Variants in CDH13 observed in about 807,000 individuals in gnomAD.
CDH13 encodes cadherin-13.
In CDH13, 24 loss-of-function variants were observed where a neutral mutation model predicts 63.8. The observed-to-expected ratio is 0.38, with a 90% confidence interval of 0.27 to 0.53. The LOEUF is 0.53. CDH13 is among the 20% of genes least tolerant of loss of function. The pLI, the probability that CDH13 is intolerant of heterozygous loss-of-function variation, is 0.85. For synonymous variants in CDH13, 503 were observed against 355.3 expected, an observed-to-expected ratio of 1.42 and a Z score of -4.67; for missense variants, 1,049 against 903.1, an observed-to-expected ratio of 1.16 and a Z score of -2.07.
At chr16:83,351,684 A>T (rs2090954688) in intron 6 of CDH13, among the ~76,000 whole-genome samples, 1 of 152,174 alleles carries the variant, frequency 6.6e-6, no homozygotes, top group South Asian at 2.1e-4. Context: ...TGCAGAAGAG[A>T]GCTCATCTCT....
At chr16:82,656,052 G>C (rs372117106) in intron 1 of CDH13, among the ~76,000 whole-genome samples, 1 of 152,170 alleles carries the variant, frequency 6.6e-6, no homozygotes, top group Non-Finnish European at 1.5e-5. Flanking sequence ...TGCTGGTCTA[G>C]CAAAAGGAAC....
intron 7 of CDH13, among the ~76,000 whole-genome samples, chr16:83,494,311 T>C (rs2074086286): frequency 6.6e-6 from 1 of 152,206 alleles, no homozygotes; most frequent in Admixed American, 6.5e-5. Context: ...GAGCTGTTTA[T>C]TTTTCTTTAT....
At chr16:83,193,076 G>T (rs190098367) in intron 4 of CDH13, among the ~76,000 whole-genome samples, 1 of 151,954 alleles carries the variant, frequency 6.6e-6, no homozygotes, top group African/African-American at 2.4e-5. Context: ...GACTCACTTG[G>T]AGAGTACAAG....
chr16:83,045,262 C>T (rs1472716715), intron 3 of CDH13, among the ~76,000 whole-genome samples: 2 of 152,130 alleles, frequency 1.3e-5, no homozygotes, highest in African/African-American at 4.8e-5. Flanking sequence ...TAAAACTTTC[C>T]TCGTGAACAG....
chr16:82,872,677 G>T (rs561171879), intron 2 of CDH13, among the ~76,000 whole-genome samples: 13 of 152,268 alleles, frequency 8.5e-5, no homozygotes, highest in African/African-American at 2.9e-4. Flanking sequence ...GAGAGCAAAA[G>T]GGCAAGAGGT....
In CDH13 at chr16:83,312,806, A is replaced by G. The variant is rs149045184; in HGVS notation, c.637-32056A>G. On this transcript the variant is annotated intron_variant, in intron 5 of 13. Coordinates refer to ENST00000567109, the MANE Select transcript of CDH13 (RefSeq NM_001257.5). Reference sequence around the variant, plus strand: ...AAACCTAAATTGCAAATCTCCATGCAAAAGTCAGCAAAAATAAAGGCAGCA... The same window carrying G: ...AAACCTAAATTGCAAATCTCCATGCGAAAGTCAGCAAAAATAAAGGCAGCA... Among the ~76,000 whole-genome samples the G allele has an allele frequency of 1.5e-3, 230 of 152,348 alleles. 1 individual carries two copies. Among genetic ancestry groups the G allele is most frequent in the African/African-American group, 4.9e-3 (203 of 41,578 alleles).
intron 1 of CDH13, among the ~76,000 whole-genome samples, chr16:82,798,151 C>G (rs1169106589): frequency 1.3e-5 from 2 of 152,198 alleles, no homozygotes; most frequent in African/African-American, 4.8e-5. Flanking sequence ...TATTAGCTGT[C>G]TACCGGAAAC....
chr16:83,634,887 C>G (rs1437797298), intron 8 of CDH13, among the ~76,000 whole-genome samples: 1 of 152,212 alleles, frequency 6.6e-6, no homozygotes, highest in East Asian at 1.9e-4. Context: ...GCAGTTAGAG[C>G]CACCCTGAAT....
intron 1 of CDH13, among the ~76,000 whole-genome samples, chr16:82,679,986 G>GT (rs1914367889): frequency 6.6e-6 from 1 of 152,138 alleles, no homozygotes; most frequent in Non-Finnish European, 1.5e-5. Context: ...GGACAAGGAA[G>GT]ACCACCACCA....
chr16:83,772,139 A>G (rs1054197026), intron 11 of CDH13, among the ~76,000 whole-genome samples: 6 of 152,208 alleles, frequency 3.9e-5, no homozygotes, highest in African/African-American at 1.4e-4. Context: ...CATGTATACA[A>G]ATAGACTCAA....
At position 82,669,901 on chromosome 16, in the gene CDH13, A is replaced by G. The variant is rs150033527; in HGVS notation, c.45+42764A>G. 1.2e-4 allele frequency among the ~76,000 whole-genome samples: 18 copies of G among 152,306 alleles called. No homozygotes were observed. In the East Asian group the frequency reaches 3.1e-3, roughly 26 times the overall value. On this transcript the variant is annotated intron_variant, in intron 1 of 13. Coordinates refer to ENST00000567109, the MANE Select transcript of CDH13 (RefSeq NM_001257.5). The stretch of plus-strand genomic sequence containing the variant: ...TGTGCTAAATATTTCTCCTGGCCCC[A>G]TTGGCAGAGATGTAGTCTGTTTTCC...
At chr16:83,216,505 T>C (rs2039535234) in intron 4 of CDH13, among the ~76,000 whole-genome samples, 2 of 136,400 alleles carry the variant, frequency 1.5e-5, no homozygotes, top group Non-Finnish European at 3.1e-5. Flanking sequence ...ATATATTTAA[T>C]ACATAGGGAT....
At chr16:82,627,529 C>T (rs1449488834) in intron 1 of CDH13, among the ~76,000 whole-genome samples, 1 of 152,180 alleles carries the variant, frequency 6.6e-6, no homozygotes, top group Non-Finnish European at 1.5e-5. Flanking sequence ...GCGACTCCAA[C>T]GAGCCGCGGT....
At chr16:83,407,165 C>G (rs2092060029) in intron 6 of CDH13, among the ~76,000 whole-genome samples, 1 of 152,208 alleles carries the variant, frequency 6.6e-6, no homozygotes, top group Non-Finnish European at 1.5e-5. Context: ...GCAAACAAAA[C>G]TCCCATTTTC....
chr16:82,861,669 T>G (rs1276656095), intron 2 of CDH13, among the ~76,000 whole-genome samples: 2 of 152,254 alleles, frequency 1.3e-5, no homozygotes, highest in Admixed American at 6.5e-5. Flanking sequence ...TTATTCACTG[T>G]TATCTCTGAT....
At chr16:82,869,474 G>GA (rs1214101948) in intron 2 of CDH13, among the ~76,000 whole-genome samples, 4 of 151,166 alleles carry the variant, frequency 2.6e-5, no homozygotes, top group South Asian at 2.1e-4. Flanking sequence ...TACAGAAAAA[G>GA]AAAAAAAATT....
At chr16:82,912,729 G>T (rs752326416) in intron 2 of CDH13, among the ~76,000 whole-genome samples, 1 of 152,176 alleles carries the variant, frequency 6.6e-6, no homozygotes, top group Non-Finnish European at 1.5e-5. Context: ...GGATCACGAG[G>T]TCAGGAGATC....
intron 7 of CDH13, 95 bp from the exon 8 acceptor site, chr16:83,602,359 G>C (rs1907928855): frequency 3.9e-5 from 47 of 1,199,702 alleles, no homozygotes; most frequent in Non-Finnish European, 5.7e-5. Flanking sequence ...GATGGAGGAG[G>C]GGGAGAGACA....
chr16:83,059,895 G>C (rs551701573), intron 3 of CDH13, among the ~76,000 whole-genome samples: 144 of 146,394 alleles, frequency 9.8e-4, no homozygotes, highest in African/African-American at 3.4e-3. Flanking sequence ...CCTGGTTCTC[G>C]CCATTCTCCT....
Sources: gnomAD v4.1 joint callset for allele counts (sites outside exome capture counted in the v4.1 genomes callset) on GRCh38, gnomAD v4.1.1 for gene constraint, MANE v1.5 for transcripts, NCBI Gene and HGNC (gene_info 2026-07-23, HGNC 2026-07-21) for gene names.